The following NIBAN1 variants were observed in gnomAD, a reference collection of about 807,000 sequenced individuals.
NIBAN1 encodes niban apoptosis regulator 1, also known as protein Niban 1.
In NIBAN1, 81 loss-of-function variants were observed where a neutral mutation model predicts 75.1. That is an observed-to-expected ratio of 1.08 (90% CI 0.90 to 1.30). The LOEUF is 1.30. Among genes scored for constraint, NIBAN1 ranks in the 50% most tolerant of loss-of-function variants. The pLI, the probability that NIBAN1 is intolerant of heterozygous loss-of-function variation, is 0.00. For missense variants in NIBAN1, 1,133 were observed against 1,128.1 expected (o/e 1.00, Z -0.06); for synonymous variants, 436 against 424.8 (o/e 1.03, Z -0.32).
At chr1:184,839,600 A>G (rs1655228560) in intron 5 of NIBAN1, among the ~76,000 whole-genome samples, 1 of 144,000 alleles carries the variant, frequency 6.9e-6, no homozygotes. Flanking sequence ...GTTCCATTTA[A>G]TTTTTTTTTT....
intron 5 of NIBAN1, among the ~76,000 whole-genome samples, chr1:184,860,802 A>G (rs1006625691): frequency 1.3e-5 from 2 of 152,210 alleles, no homozygotes; most frequent in African/African-American, 4.8e-5. Flanking sequence ...ACACCACACC[A>G]TAATACCTCT....
At chr1:184,940,591 C>T (rs1341045810) in intron 1 of NIBAN1, among the ~76,000 whole-genome samples, 1 of 152,154 alleles carries the variant, frequency 6.6e-6, no homozygotes, top group Non-Finnish European at 1.5e-5. Flanking sequence ...TAGTATACCA[C>T]AGTGTATTTT....
chr1:184,966,038 A>G (rs1441148326), intron 1 of NIBAN1, among the ~76,000 whole-genome samples: 4 of 152,254 alleles, frequency 2.6e-5, no homozygotes, highest in African/African-American at 9.6e-5. Flanking sequence ...GTAAGACTAT[A>G]ATGTTTACAA....
chr1:184,923,838 G>A (rs1321399831), intron 1 of NIBAN1, among the ~76,000 whole-genome samples: 1 of 151,852 alleles, frequency 6.6e-6, no homozygotes, highest in African/African-American at 2.4e-5. Flanking sequence ...ATTATAAGTG[G>A]GATTACTTTC....
At chr1:184,868,012 T>C (rs772118454) in intron 5 of NIBAN1, 31 of 985,334 alleles carry the variant, frequency 3.1e-5, no homozygotes, top group Admixed American at 6.1e-5. Flanking sequence ...CTCAGTTCCT[T>C]TCTTAGCTGG....
At chr1:184,944,413 C>T (rs767466000) in intron 1 of NIBAN1, among the ~76,000 whole-genome samples, 4 of 152,188 alleles carry the variant, frequency 2.6e-5, no homozygotes, top group African/African-American at 4.8e-5. Flanking sequence ...ACACAGGTGG[C>T]GTTCTTGTAG....
At chr1:184,802,186 A>G (rs1016938372) in intron 12 of NIBAN1, among the ~76,000 whole-genome samples, 1 of 152,248 alleles carries the variant, frequency 6.6e-6, no homozygotes, top group Non-Finnish European at 1.5e-5. Context: ...TGATGCTGAT[A>G]TAATATCCTC....
At chr1:184,898,452 C>T (rs1656861725) in intron 2 of NIBAN1, among the ~76,000 whole-genome samples, 1 of 152,006 alleles carries the variant, frequency 6.6e-6, no homozygotes, top group Admixed American at 6.5e-5. Flanking sequence ...CCTGTCTCTA[C>T]TAAAAATACA....
At chr1:184,925,530 T>C (rs1004385758) in intron 1 of NIBAN1, among the ~76,000 whole-genome samples, 136 of 152,238 alleles carry the variant, frequency 8.9e-4, no homozygotes, top group Non-Finnish European at 6.9e-4. Context: ...AGATGATTTT[T>C]CTCCAGTGGT....
At chr1:184,798,265 C>T (rs572206260) in intron 12 of NIBAN1, 75 bp from the exon 13 acceptor site, 57 of 852,170 alleles carry the variant, frequency 6.7e-5, no homozygotes, top group Admixed American at 1.5e-4. Flanking sequence ...ACAGAAAGGA[C>T]GATTCCCACT....
chr1:184,881,900 G>A (rs1045571704), intron 5 of NIBAN1, among the ~76,000 whole-genome samples: 5 of 152,138 alleles, frequency 3.3e-5, no homozygotes, highest in Admixed American at 3.3e-4. Context: ...CCTGCATTTT[G>A]TGCTGACCTA....
At chr1:184,845,592 TACAA>T (rs1222658231) in intron 5 of NIBAN1, among the ~76,000 whole-genome samples, 1 of 151,970 alleles carries the variant, frequency 6.6e-6, no homozygotes, top group African/African-American at 2.4e-5. Flanking sequence ...CCCCCGTCTC[TACAA>T]AAATTTTAAA....
Position 184,905,760 on chromosome 1 carries a change from A to C in NIBAN1, c.56-6451T>G, listed in dbSNP as rs536965664. Among the ~76,000 whole-genome samples, 66 of 152,336 alleles carry C rather than the reference A, an allele frequency of 4.3e-4. 1 individual carries two copies. Among genetic ancestry groups the C allele is most frequent in the South Asian group, 1.9e-3 (9 of 4,832 alleles). On this transcript the variant is annotated intron_variant, in intron 1 of 13. Transcript: ENST00000367511. ...TACTGCAGCTGTTCAAATATAGCTTATCTCTCCTCCAAGGGTATATTGTGT... is the reference window on the plus strand; with the variant it reads ...TACTGCAGCTGTTCAAATATAGCTTCTCTCTCCTCCAAGGGTATATTGTGT...
At chr1:184,868,922 G>A (rs1656027853) in intron 5 of NIBAN1, among the ~76,000 whole-genome samples, 1 of 152,050 alleles carries the variant, frequency 6.6e-6, no homozygotes, top group Non-Finnish European at 1.5e-5. Flanking sequence ...TCTATAAAAT[G>A]GGCATGATGA....
chr1:184,884,838 A>C (rs368014321), intron 4 of NIBAN1, 38 bp from the exon 5 acceptor site: 34 of 1,599,954 alleles, frequency 2.1e-5, no homozygotes, highest in Non-Finnish European at 2.6e-5. Context: ...CTTTTAAAAC[A>C]TGTATCTTTT....
At chr1:184,826,885 G>C (rs1417814859) in intron 6 of NIBAN1, among the ~76,000 whole-genome samples, 1 of 152,078 alleles carries the variant, frequency 6.6e-6, no homozygotes, top group African/African-American at 2.4e-5. Flanking sequence ...GTTTGGCTGT[G>C]TCCCCACCTA....
chr1:184,808,650 G>C (rs139072031), intron 9 of NIBAN1, among the ~76,000 whole-genome samples: 1 of 152,146 alleles, frequency 6.6e-6, no homozygotes, highest in African/African-American at 2.4e-5. Context: ...CGCCAGGGAG[G>C]TCAGGATGCT....
intron 1 of NIBAN1, among the ~76,000 whole-genome samples, chr1:184,954,624 C>A (rs1658437165): frequency 6.6e-6 from 1 of 152,102 alleles, no homozygotes; most frequent in South Asian, 2.1e-4. Flanking sequence ...GAAAATACAT[C>A]AGATTGGAAA....
At chr1:184,973,660 C>T (rs777010854) in intron 1 of NIBAN1, among the ~76,000 whole-genome samples, 46 of 152,172 alleles carry the variant, frequency 3.0e-4, no homozygotes, top group Admixed American at 2.0e-4. Flanking sequence ...CTGAGGGTCT[C>T]CCTAAATGAG....
Sources: allele counts gnomAD v4.1 joint callset (sites outside exome capture counted in the v4.1 genomes callset), GRCh38; gene constraint gnomAD v4.1.1; transcripts MANE v1.5; gene names NCBI Gene and HGNC (gene_info 2026-07-23, HGNC 2026-07-21).